TPO: variants seen among roughly 807,000 people sequenced by gnomAD.
TPO encodes thyroid microsomal antigen.
Under a neutral mutation model 96.9 loss-of-function variants are expected in TPO, and 78 were observed. That is an observed-to-expected ratio of 0.81 (90% CI 0.67 to 0.97). The LOEUF is 0.97. Ranked by LOEUF, TPO falls within the 50% of genes least tolerant of loss-of-function variation. The pLI is 0.00. For synonymous variants in TPO, 547 were observed against 538.0 expected (o/e 1.02, Z -0.23); for missense variants, 1,252 against 1,274.8 (o/e 0.98, Z 0.27).
chr2:1,423,166 C>G (rs1272577530), intron 3 of TPO, 37 bp downstream of exon 3: 3 of 1,595,942 alleles, frequency 1.9e-6, no homozygotes, highest in Non-Finnish European at 1.7e-6. Context: ...CCAAATGCCA[C>G]CGACAGGCGC....
intron 15 of TPO, among the ~76,000 whole-genome samples, chr2:1,520,045 A>G (rs933777694): frequency 1.3e-5 from 2 of 152,188 alleles, no homozygotes; most frequent in East Asian, 3.9e-4. Flanking sequence ...GTGGATGTTA[A>G]TGTGCCATCA....
upstream of TPO, among the ~76,000 whole-genome samples, chr2:1,410,726 C>T (rs907729960): frequency 2.0e-5 from 3 of 152,240 alleles, no homozygotes; most frequent in East Asian, 3.9e-4. Flanking sequence ...CTGCTTGTAG[C>T]AGGGCCCTGC....
At chr2:1,466,404 C>T (rs1192377750) in intron 7 of TPO, among the ~76,000 whole-genome samples, 1 of 152,146 alleles carries the variant, frequency 6.6e-6, no homozygotes, top group Non-Finnish European at 1.5e-5. Flanking sequence ...ACTGGCCTTA[C>T]AGAATGATTT....
chr2:1,506,215 C>T (rs1673445265), intron 14 of TPO, among the ~76,000 whole-genome samples: 1 of 152,000 alleles, frequency 6.6e-6, no homozygotes, highest in Non-Finnish European at 1.5e-5. Context: ...AGGACATGAA[C>T]TCATCATTTA....
At chr2:1,435,036 C>G (rs28909380) in intron 4 of TPO, among the ~76,000 whole-genome samples, 1 of 152,174 alleles carries the variant, frequency 6.6e-6, no homozygotes, top group East Asian at 1.9e-4. Context: ...CAGGTTCACG[C>G]CATTCTCCTG....
chr2:1,479,008 G>A (rs1028769556), intron 8 of TPO, among the ~76,000 whole-genome samples: 3 of 152,220 alleles, frequency 2.0e-5, no homozygotes, highest in Admixed American at 2.0e-4. Context: ...AGAAGATCGA[G>A]TTAGAAATGA....
intron 8 of TPO, among the ~76,000 whole-genome samples, chr2:1,478,689 G>C (rs986968155): frequency 2.6e-5 from 4 of 152,242 alleles, no homozygotes; most frequent in Non-Finnish European, 4.4e-5. Flanking sequence ...CACGGCAGAC[G>C]GGCTCACTGT....
rs1213918969 is a variant in TPO, at chr2:1,478,150, TTTC to T, written c.1338+550_1338+552del. 3 of 984,918 alleles carry T rather than the reference TTTC, an allele frequency of 3.0e-6. No individual in the cohort carries two copies. In the African/African-American group the frequency reaches 5.2e-5, roughly 17 times the overall value. The allele number at this position is 984,918 out of a possible 1,614,324, so 61.0% of individuals were successfully genotyped here. A position where few individuals can be genotyped will look rare whatever the true frequency, so the allele number is the denominator to read the frequency against. On this transcript the variant is annotated intron_variant, in intron 8 of 16. Coordinates refer to ENST00000329066, the MANE Select transcript of TPO (RefSeq NM_001206744.2). The stretch of plus-strand genomic sequence containing the variant: ...AACAAGTTAGAGTCTATTTGAAACC[TTTC>T]TTCATTTTATGACTTTCTTAAGTAT...
intron 4 of TPO, among the ~76,000 whole-genome samples, chr2:1,433,939 C>T (rs1351254401): frequency 6.6e-6 from 1 of 152,106 alleles, no homozygotes; most frequent in Non-Finnish European, 1.5e-5. Context: ...ACTTGGCAAG[C>T]TCATTCATAA....
chr2:1,523,231 C>A (rs1675582156), intron 15 of TPO, among the ~76,000 whole-genome samples: 1 of 62,932 alleles, frequency 1.6e-5, no homozygotes. Context: ...CTTTGAGCAA[C>A]CTCCCCAAAT....
intron 7 of TPO, among the ~76,000 whole-genome samples, chr2:1,468,225 G>A (rs1113829): frequency 0.44 from 65,888 of 151,460 alleles, 14,519 homozygotes; most frequent in East Asian, 0.49. Flanking sequence ...CATTCATTGT[G>A]CTATTTGTTG....
At chr2:1,529,012 C>G (rs576758660) in intron 15 of TPO, among the ~76,000 whole-genome samples, 1 of 140,860 alleles carries the variant, frequency 7.1e-6, no homozygotes, top group African/African-American at 2.8e-5. Context: ...CTGTGAGTAA[C>G]CTCCTCAAAT....
intron 1 of TPO, among the ~76,000 whole-genome samples, chr2:1,377,652 C>T (rs1444015947): frequency 2.0e-5 from 3 of 152,296 alleles, no homozygotes; most frequent in East Asian, 3.9e-4. Context: ...AAATTCATGT[C>T]GGTCTTGTCC....
At chr2:1,381,073 C>T (rs1661802413) in intron 1 of TPO, among the ~76,000 whole-genome samples, 1 of 152,120 alleles carries the variant, frequency 6.6e-6, no homozygotes, top group African/African-American at 2.4e-5. Context: ...TTGCTGCACC[C>T]ATCAAGGTAA....
rs1676155640 is a variant in TPO at position 1,525,194 on chromosome 2, C to A, written c.2618+8212C>A. Reference sequence around the variant, plus strand: ...CCCACTGTGTGCAATCCGCCCAAGTCCCCCCACTGTGCAACCTGCTCAAAT... The same window carrying A: ...CCCACTGTGTGCAATCCGCCCAAGTACCCCCACTGTGCAACCTGCTCAAAT... On this transcript the variant is annotated intron_variant, in intron 15 of 16. Coordinates refer to ENST00000329066, the MANE Select transcript of TPO (RefSeq NM_001206744.2). Among the ~76,000 whole-genome samples the A allele has an allele frequency of 1.5e-5, 2 of 136,394 alleles. 1 individual carries two copies. The highest frequency in any genetic ancestry group is 3.2e-5 in the Non-Finnish European group (2 of 62,420). The allele number at this position is 136,394 out of a possible 152,430, so 89.5% of individuals were successfully genotyped here. A position where few individuals can be genotyped will look rare whatever the true frequency, so the allele number is the denominator to read the frequency against.
chr2:1,389,254 C>T (rs777950616), intron 1 of TPO, among the ~76,000 whole-genome samples: 38 of 152,070 alleles, frequency 2.5e-4, no homozygotes, highest in Non-Finnish European at 4.7e-4. Flanking sequence ...GTCTGAGGAG[C>T]CCATTGCCAG....
In TPO at chr2:1,471,643, G is replaced by C. The variant is rs540443078; in HGVS notation, c.820-5443G>C. On this transcript the variant is annotated intron_variant, in intron 7 of 16. Coordinates refer to ENST00000329066, the MANE Select transcript of TPO (RefSeq NM_001206744.2). ...CCCTCATTTGCTAGACTCTCCTCCTGCTCACTCCCATGTTCTCCACTCATG... is the reference window on the plus strand; with the variant it reads ...CCCTCATTTGCTAGACTCTCCTCCTCCTCACTCCCATGTTCTCCACTCATG... Among the ~76,000 whole-genome samples, 107 of 152,114 alleles carry C rather than the reference G, an allele frequency of 7.0e-4. No individual in the cohort carries two copies. The South Asian group carries it at 0.012, about 17-fold the overall frequency.
intron 1 of TPO, among the ~76,000 whole-genome samples, chr2:1,399,402 G>A (rs1016504254): frequency 3.3e-5 from 5 of 152,234 alleles, no homozygotes; most frequent in Admixed American, 3.3e-4. Flanking sequence ...AAGCCATGGA[G>A]AGAACAAGTC....
chr2:1,427,840 G>T (rs539300391), intron 3 of TPO, among the ~76,000 whole-genome samples: 129 of 152,126 alleles, frequency 8.5e-4, no homozygotes, highest in African/African-American at 3.0e-3. Flanking sequence ...TGAGTTCCAG[G>T]GTGTATTCAG....
Sources: gnomAD v4.1 joint callset for allele counts (sites outside exome capture counted in the v4.1 genomes callset) on GRCh38, gnomAD v4.1.1 for gene constraint, MANE v1.5 for transcripts, NCBI Gene and HGNC (gene_info 2026-07-23, HGNC 2026-07-21) for gene names.